The following NELL2 variants were observed in gnomAD, a reference collection of about 807,000 sequenced individuals.
NELL2 encodes the protein neural EGFL like 2.
A neutral mutation model predicts 109.6 loss-of-function variants in NELL2; 41 were observed. That is an observed-to-expected ratio of 0.37 (90% CI 0.29 to 0.49). The LOEUF (loss-of-function observed/expected upper bound fraction) is 0.49, where lower values mean the gene tolerates loss of function less well. Among genes scored for constraint, NELL2 ranks in the 20% least tolerant of loss-of-function variants. The pLI is 0.98. For synonymous variants in NELL2, 355 were observed against 344.7 expected (o/e 1.03, Z -0.33); for missense variants, 900 against 1,008.3 (o/e 0.89, Z 1.45).
intron 15 of NELL2, among the ~76,000 whole-genome samples, chr12:44,603,034 C>T (rs1210839250): frequency 3.3e-5 from 5 of 152,012 alleles, no homozygotes; most frequent in African/African-American, 9.7e-5. Context: ...AGTAAAGCAA[C>T]ACTCATGTAG....
chr12:44,816,060 A>C lies in NELL2; in HGVS notation c.261T>G (p.Phe87Leu). The C allele has an allele frequency of 6.2e-7, 1 of 1,613,846 alleles. No individual in the cohort carries two copies. Residue 87 changes from phenylalanine (F) to leucine (L), a missense_variant, in exon 3 of 20, where the codon TTT becomes TTG. Transcript: ENST00000429094. ...FFQKLRNKHE[F>L]TILVTLKQTH... The stretch of plus-strand genomic sequence containing the variant: ...TCTGTTTTAGGGTCACCAAAATAGT[A>C]AATTCATGTTTATTTCTCAGCTTCT...
chr12:44,518,045 G>A (rs548988078), intron 19 of NELL2, among the ~76,000 whole-genome samples: 2 of 152,178 alleles, frequency 1.3e-5, no homozygotes, highest in South Asian at 2.1e-4. Context: ...TGACAAAACT[G>A]AGCATATTTT....
At chr12:44,669,634 A>T (rs1044972846) in intron 12 of NELL2, among the ~76,000 whole-genome samples, 1 of 151,268 alleles carries the variant, frequency 6.6e-6, no homozygotes, top group Non-Finnish European at 1.5e-5. Flanking sequence ...AGACTAGATC[A>T]AGGAGAAGAA....
chr12:44,585,918 A>C, intron 15 of NELL2, among the ~76,000 whole-genome samples: 1 of 151,774 alleles, frequency 6.6e-6, no homozygotes, highest in East Asian at 1.9e-4. Context: ...ATTAGAAGTA[A>C]CCACTATGAA....
intron 12 of NELL2, among the ~76,000 whole-genome samples, chr12:44,683,327 A>G (rs929373827): frequency 3.5e-5 from 5 of 141,346 alleles, no homozygotes; most frequent in African/African-American, 1.6e-4. Flanking sequence ...GGGCTGAGAC[A>G]ATGGGGTTTT....
intron 12 of NELL2, among the ~76,000 whole-genome samples, chr12:44,695,894 G>C (rs1949049491): frequency 6.6e-6 from 1 of 152,014 alleles, no homozygotes; most frequent in Non-Finnish European, 1.5e-5. Context: ...TGAGGTGGGG[G>C]GATTGCTTGA....
At chr12:44,581,811 G>T (rs1944333492) in intron 15 of NELL2, among the ~76,000 whole-genome samples, 1 of 152,008 alleles carries the variant, frequency 6.6e-6, no homozygotes, top group African/African-American at 2.4e-5. Flanking sequence ...AAAATATATT[G>T]CAAGTTTTGA....
At chr12:44,806,110 T>C (rs964973997) in intron 3 of NELL2, among the ~76,000 whole-genome samples, 1 of 120,680 alleles carries the variant, frequency 8.3e-6, no homozygotes, top group African/African-American at 2.6e-5. Context: ...GAAAATTTAG[T>C]ACATAAAAAA....
In NELL2 at chr12:44,654,543, A is replaced by G. The variant is rs190794346; in HGVS notation, c.1444+10941T>C. Among the ~76,000 whole-genome samples, 4 of 152,308 alleles carry G rather than the reference A, an allele frequency of 2.6e-5. No homozygotes were observed. In the East Asian group the frequency reaches 7.7e-4, roughly 29 times the overall value. On this transcript the variant is annotated intron_variant, in intron 13 of 19. Transcript: ENST00000429094. The stretch of plus-strand genomic sequence containing the variant: ...TGTTTCTAACCAATAGTTTACAGCA[A>G]AAGTAACAGGATGTCAGTTCCTATT...
rs574557762 is a variant in NELL2 at position 44,513,332 on chromosome 12, C to T, written c.2401-4348G>A. 7.2e-5 allele frequency among the ~76,000 whole-genome samples: 11 copies of T among 151,950 alleles called. No homozygotes were observed. In the South Asian group the frequency reaches 1.9e-3, roughly 26 times the overall value. On this transcript the variant is annotated intron_variant, in intron 19 of 19. Transcript: ENST00000429094. ...AGTCTTCACAAGAAGCCAATGGAAC[C>T]TATGATCTATAAAACATATCATCCA...
rs1255640011 is a variant in NELL2, at chr12:44,816,120, T to C, written c.201A>G (p.Ile67Met). 2 of 1,609,600 alleles carry C rather than the reference T, an allele frequency of 1.2e-6. No individual in the cohort carries two copies. The highest frequency in any genetic ancestry group is 1.3e-5 in the African/African-American group (1 of 74,708). ...GTTCAGCTGTAGCAGTGGATGCTTT[T>C]ATGCTTCTGGGAGTATCTAAAAAAG... The part of the protein sequence containing the change: ...AFLFQDTPRS[I>M]KASTATAEQF... Residue 67 changes from isoleucine to methionine, a missense_variant, in exon 3 of 20, where the codon ATA (isoleucine) becomes ATG (methionine). By Grantham distance (10) the Ile-to-Met change is conservative. Around this residue, in one of 4 missense-constraint regions of NELL2, gnomAD observed 200 missense variants for 191.8 expected, o/e 1.04. Transcript: ENST00000429094.
At chr12:44,612,342 C>T (rs1945650805) in intron 13 of NELL2, among the ~76,000 whole-genome samples, 2 of 151,978 alleles carry the variant, frequency 1.3e-5, no homozygotes, top group Non-Finnish European at 2.9e-5. Flanking sequence ...CCTGAAACTA[C>T]ATTCTTAGAG....
intron 3 of NELL2, among the ~76,000 whole-genome samples, chr12:44,795,527 G>A (rs1942587701): frequency 6.6e-6 from 1 of 152,072 alleles, no homozygotes; most frequent in South Asian, 2.1e-4. Context: ...TTTATTATTG[G>A]TCAATAATCC....
chr12:44,645,389 T>A (rs903816043), intron 13 of NELL2, among the ~76,000 whole-genome samples: 1 of 152,186 alleles, frequency 6.6e-6, no homozygotes, highest in East Asian at 1.9e-4. Context: ...ACTTCTATAA[T>A]GGAAGGGAGA....
chr12:44,690,369 C>G (rs1382445465), intron 12 of NELL2, among the ~76,000 whole-genome samples: 2 of 152,128 alleles, frequency 1.3e-5, no homozygotes, highest in African/African-American at 4.8e-5. Context: ...AAAACCTGCT[C>G]TCTTCAAATT....
chr12:44,661,426 C>T (rs1327065475), intron 13 of NELL2, among the ~76,000 whole-genome samples: 1 of 152,128 alleles, frequency 6.6e-6, no homozygotes, highest in African/African-American at 2.4e-5. Context: ...TGCCTTATGC[C>T]CCTCAGTCCT....
At chr12:44,660,804 T>C (rs1231263233) in intron 13 of NELL2, among the ~76,000 whole-genome samples, 1 of 152,006 alleles carries the variant, frequency 6.6e-6, no homozygotes, top group Non-Finnish European at 1.5e-5. Flanking sequence ...AATGAGTGTC[T>C]CTTCACTCAG....
chr12:44,555,555 C>G (rs1285805427), intron 15 of NELL2, among the ~76,000 whole-genome samples: 1 of 152,166 alleles, frequency 6.6e-6, no homozygotes, highest in Non-Finnish European at 1.5e-5. Context: ...ATGGGATCAG[C>G]TGCCAAGTCT....
chr12:44,791,621 G>C (rs1942436755), intron 3 of NELL2, among the ~76,000 whole-genome samples: 1 of 144,242 alleles, frequency 6.9e-6, no homozygotes. Flanking sequence ...TGCTGATATG[G>C]AGTTTTGAAA....
Sources: allele counts gnomAD v4.1 joint callset (sites outside exome capture counted in the v4.1 genomes callset), GRCh38; gene constraint gnomAD v4.1.1; regional missense constraint gnomAD v4.1.1; transcripts MANE v1.5; gene names NCBI Gene and HGNC (gene_info 2026-07-23, HGNC 2026-07-21).